PATJ: variants seen among roughly 807,000 people sequenced by gnomAD.
PATJ encodes the protein inaD-like protein.
In PATJ, 190 loss-of-function variants were observed where a neutral mutation model predicts 224.9. That is an observed-to-expected ratio of 0.84 (90% CI 0.75 to 0.95). PATJ has a LOEUF of 0.95. Ranked by LOEUF, PATJ falls within the 40% of genes least tolerant of loss-of-function variation. The pLI is 0.00. For missense variants in PATJ, 2,121 were observed against 2,270.3 expected, an observed-to-expected ratio of 0.93 and a Z score of 1.34; for synonymous variants, 769 against 820.3, an observed-to-expected ratio of 0.94 and a Z score of 1.07.
At chr1:61,871,426 CAT>C (rs1295488611) in intron 20 of PATJ, among the ~76,000 whole-genome samples, 2 of 56,822 alleles carry the variant, frequency 3.5e-5, no homozygotes, top group Admixed American at 2.5e-4. Flanking sequence ...TATATATGTA[CAT>C]ATATATGTGT....
chr1:62,015,585 T>G (rs1443187524), intron 28 of PATJ, among the ~76,000 whole-genome samples: 4 of 152,166 alleles, frequency 2.6e-5, no homozygotes, highest in South Asian at 4.2e-4. Flanking sequence ...TAGGCTGGAG[T>G]GCAGTGGCGC....
intron 27 of PATJ, among the ~76,000 whole-genome samples, chr1:61,936,577 C>A (rs1290208499): frequency 2.6e-5 from 4 of 151,810 alleles, no homozygotes; most frequent in Non-Finnish European, 4.4e-5. Context: ...AATTGTACTT[C>A]TATTTTTTTT....
chr1:62,160,958 T>C lies in PATJ; in HGVS notation c.5553T>C (p.Ala1851=). Residue 1851 remains alanine (A), a synonymous_variant, in exon 44 of 44, where the codon GCT becomes GCC. Coordinates refer to ENST00000642238, the MANE Select transcript of PATJ (RefSeq NM_001350145.3). ...GRLKRGDQIL[A]VNGETLEGVT... is the part of the protein sequence containing the mutation. Reference sequence around the variant, plus strand: ...TAAAACGAGGGGATCAGATTTTAGCTGTTAATGGCGAGACCCTGGAAGGTG... The same window carrying C: ...TAAAACGAGGGGATCAGATTTTAGCCGTTAATGGCGAGACCCTGGAAGGTG... 1 of 1,613,978 alleles carries C rather than the reference T, an allele frequency of 6.2e-7. No individual in the cohort carries two copies. The highest frequency in any genetic ancestry group is 2.2e-5 in the East Asian group (1 of 44,886).
intron 16 of PATJ, among the ~76,000 whole-genome samples, chr1:61,831,078 T>C (rs1659220947): frequency 6.6e-6 from 1 of 150,872 alleles, no homozygotes; most frequent in South Asian, 2.1e-4. Flanking sequence ...TCCCAGCTAC[T>C]TGGGGGGGCT....
chr1:61,911,994 C>T (rs1202456325), intron 25 of PATJ, among the ~76,000 whole-genome samples: 2 of 148,850 alleles, frequency 1.3e-5, no homozygotes, highest in Non-Finnish European at 3.0e-5. Flanking sequence ...ACTTTATTTT[C>T]ATTCTATATT....
At chr1:61,750,353 A>T (rs1381493409) in intron 1 of PATJ, among the ~76,000 whole-genome samples, 1 of 151,728 alleles carries the variant, frequency 6.6e-6, no homozygotes, top group Non-Finnish European at 1.5e-5. Flanking sequence ...TTCCATTAAT[A>T]ATAATTAGTG....
At chr1:61,839,136 C>T (rs1309880888) in intron 17 of PATJ, among the ~76,000 whole-genome samples, 1 of 152,020 alleles carries the variant, frequency 6.6e-6, no homozygotes, top group Non-Finnish European at 1.5e-5. Flanking sequence ...CCGCCGACTC[C>T]TCCACCAGGT....
intron 25 of PATJ, among the ~76,000 whole-genome samples, chr1:61,910,665 G>C (rs1191428529): frequency 4.2e-5 from 6 of 142,122 alleles, no homozygotes; most frequent in African/African-American, 1.6e-4. Flanking sequence ...TCCCAGTTCA[G>C]CCTCCCAAGT....
chr1:61,794,887 C>G (rs927556574), intron 9 of PATJ, among the ~76,000 whole-genome samples: 1 of 151,840 alleles, frequency 6.6e-6, no homozygotes, highest in African/African-American at 2.4e-5. Context: ...ACTCAGGAGG[C>G]AGGAGAATCA....
chr1:62,089,465 C>A (rs1422114458), intron 33 of PATJ, among the ~76,000 whole-genome samples: 1 of 151,702 alleles, frequency 6.6e-6, no homozygotes, highest in Non-Finnish European at 1.5e-5. Flanking sequence ...ATCCCATTGT[C>A]CTTGGAAGGA....
rs780550444 is a variant in PATJ at position 61,787,926 on chromosome 1, C to G, written c.1022C>G (p.Ala341Gly). 3.7e-6 allele frequency: 6 copies of G among 1,613,954 alleles called. No homozygotes were observed. The highest frequency in any genetic ancestry group is 2.2e-5 in the East Asian group (1 of 44,884). ...TCAGTCACCCCCCCTGCCCCTGCAGCCTTACCTGTTGCCCTGCCTACTGTA... is the reference window on the plus strand; with the variant it reads ...TCAGTCACCCCCCCTGCCCCTGCAGGCTTACCTGTTGCCCTGCCTACTGTA... ...DISVTPPAPA[A>G]LPVALPTVAS... The change falls in exon 8 of 44, where the codon GCC (alanine) becomes GGC (glycine). Residue 341 changes from alanine (A) to glycine (G), a missense_variant. Physicochemically the swap from Ala to Gly is moderately conservative, Grantham distance 60. Coordinates refer to ENST00000642238, the MANE Select transcript of PATJ (RefSeq NM_001350145.3).
In PATJ at chr1:62,132,404, G is replaced by A. The variant is rs551274923; in HGVS notation, c.5271+3459G>A. On this transcript the variant is annotated intron_variant, in intron 41 of 43. Coordinates refer to ENST00000642238, the MANE Select transcript of PATJ (RefSeq NM_001350145.3). Reference sequence around the variant, plus strand: ...TCCTGGCTGCTCAGGAGGCTGAGGCGGGAGAATCGCTTGAACCCCAGGGGC... The same window carrying A: ...TCCTGGCTGCTCAGGAGGCTGAGGCAGGAGAATCGCTTGAACCCCAGGGGC... Among the ~76,000 whole-genome samples the A allele has an allele frequency of 9.2e-5, 14 of 152,172 alleles. No homozygotes were observed. In the East Asian group the frequency reaches 2.3e-3, roughly 25 times the overall value.
rs185040778 is a variant in PATJ, at chr1:61,859,008, T to A, written c.2323-2543T>A. 1.2e-3 allele frequency among the ~76,000 whole-genome samples: 185 copies of A among 152,322 alleles called. 1 individual carries two copies. Among genetic ancestry groups the A allele is most frequent in the Admixed American group, 0.011 (171 of 15,302 alleles). On this transcript the variant is annotated intron_variant, in intron 18 of 43. Transcript: ENST00000642238. ...GATAAATTAAGGACAGGAAAACTAT[T>A]AATGTTTTTATGGGACCTCATCTTC...
intron 42 of PATJ, among the ~76,000 whole-genome samples, chr1:62,151,539 CGA>C (rs886119187): frequency 6.6e-6 from 1 of 152,084 alleles, no homozygotes; most frequent in African/African-American, 2.4e-5. Flanking sequence ...TGCAGTGAGC[CGA>C]GATAGCGCCA....
chr1:62,145,866 G>A (rs1002084954), intron 41 of PATJ, among the ~76,000 whole-genome samples: 7 of 151,858 alleles, frequency 4.6e-5, no homozygotes, highest in Non-Finnish European at 8.8e-5. Flanking sequence ...ACTAAGGCAC[G>A]AGAATTGCTT....
intron 1 of PATJ, among the ~76,000 whole-genome samples, chr1:61,746,511 A>G (rs184685178): frequency 6.6e-6 from 1 of 152,300 alleles, no homozygotes; most frequent in Admixed American, 6.5e-5. Flanking sequence ...TGCTTCTGAG[A>G]CTTAAAGCAC....
rs758757872 is a variant in PATJ, at chr1:62,116,559, C to T, written c.4683C>T (p.Asp1561=). 3.7e-6 allele frequency: 6 copies of T among 1,613,974 alleles called. 1 individual carries two copies. In the Admixed American group the frequency reaches 8.3e-5, roughly 22 times the overall value. The change falls in exon 36 of 44, where the codon GAC becomes GAT. Residue 1561 remains aspartate (D), a synonymous_variant. Coordinates refer to ENST00000642238, the MANE Select transcript of PATJ (RefSeq NM_001350145.3). The stretch of plus-strand genomic sequence containing the variant: ...ATGGAAGCGGAGTGTTTATTTCTGA[C>T]ATCGTGAAAGGCGGAGCCGCAGACC... The part of the protein sequence containing the change: ...KRNGSGVFIS[D]IVKGGAADLD...
At chr1:61,888,956 AG>A (rs1222205995) in intron 22 of PATJ, among the ~76,000 whole-genome samples, 1 of 152,178 alleles carries the variant, frequency 6.6e-6, no homozygotes, top group Admixed American at 6.5e-5. Context: ...TTGGAGATTT[AG>A]GGTATATTTA....
intron 17 of PATJ, among the ~76,000 whole-genome samples, chr1:61,852,003 A>G (rs1425202210): frequency 6.6e-6 from 1 of 151,606 alleles, no homozygotes; most frequent in East Asian, 1.9e-4. Flanking sequence ...GCAAAACCCC[A>G]TCTCTACTAA....
Sources: gnomAD v4.1 joint callset for allele counts (sites outside exome capture counted in the v4.1 genomes callset) on GRCh38, gnomAD v4.1.1 for gene constraint, MANE v1.5 for transcripts, NCBI Gene and HGNC (gene_info 2026-07-23, HGNC 2026-07-21) for gene names.